Variants in TMPRSS11F observed in about 807,000 individuals in gnomAD.
TMPRSS11F encodes the protein transmembrane serine protease 11F, also known as transmembrane protease serine 11F.
Under a neutral mutation model 60.2 loss-of-function variants are expected in TMPRSS11F, and 47 were observed. The ratio of observed to expected loss-of-function variants is 0.78; its 90% CI spans 0.62 to 1.00. The LOEUF is 1.00. TMPRSS11F is among the 50% of genes least tolerant of loss of function. TMPRSS11F has a pLI of 0.00. For synonymous variants in TMPRSS11F, 166 were observed against 167.3 expected, an observed-to-expected ratio of 0.99 and a Z score of 0.06; for missense variants, 519 against 522.9, an observed-to-expected ratio of 0.99 and a Z score of 0.07.
chr4:68,103,610 T>C (rs1168537064), intron 1 of TMPRSS11F, among the ~76,000 whole-genome samples: 1 of 152,194 alleles, frequency 6.6e-6, no homozygotes, highest in Non-Finnish European at 1.5e-5. Context: ...CTCAAACTTT[T>C]TCATTCTCAG....
At chr4:68,076,086 A>C (rs1169875169) in intron 3 of TMPRSS11F, among the ~76,000 whole-genome samples, 3 of 152,154 alleles carry the variant, frequency 2.0e-5, no homozygotes, top group African/African-American at 7.2e-5. Context: ...AACAGACAAA[A>C]GTTTGCTTAA....
rs1553885899 is a variant in TMPRSS11F at position 68,072,221 on chromosome 4, C to CTATATATATATATATATCTT, written c.514+101_514+102insAAGATATATATATATATATA. The CTATATATATATATATATCTT allele has an allele frequency of 2.5e-3, 143 of 57,822 alleles. 3 individuals are homozygous for CTATATATATATATATATCTT. Among genetic ancestry groups the CTATATATATATATATATCTT allele is most frequent in the African/African-American group, 7.9e-3 (137 of 17,280 alleles). The allele number at this position is 57,822 out of a possible 1,614,324, so 3.6% of individuals were successfully genotyped here. On this transcript the variant is annotated intron_variant, in intron 5 of 9. Transcript: ENST00000356291. The stretch of plus-strand genomic sequence containing the variant: ...ATTTTATATATATATATATATCTTC[C>CTATATATATATATATATCTT]AAAAAAAAAATATATATATATATAT...
intron 1 of TMPRSS11F, among the ~76,000 whole-genome samples, chr4:68,119,094 G>A (rs376301200): frequency 2.0e-5 from 3 of 152,152 alleles, no homozygotes; most frequent in Non-Finnish European, 2.9e-5. Flanking sequence ...TTGCTGATAC[G>A]GAGTAAGTTT....
chr4:68,093,202 C>T (rs1723980947), intron 2 of TMPRSS11F, among the ~76,000 whole-genome samples: 1 of 152,158 alleles, frequency 6.6e-6, no homozygotes, highest in Non-Finnish European at 1.5e-5. Flanking sequence ...TGTGAAAACA[C>T]AAATCTAATT....
chr4:68,062,909 G>A (rs371091068), intron 8 of TMPRSS11F: 1 of 805,624 alleles, frequency 1.2e-6, no homozygotes, highest in Non-Finnish European at 2.2e-6. Flanking sequence ...CACTTCTGCT[G>A]ATAGTCTCCC....
chr4:68,112,011 C>CCAGAGGGA (rs1724417771), intron 1 of TMPRSS11F, among the ~76,000 whole-genome samples: 1 of 152,092 alleles, frequency 6.6e-6, no homozygotes, highest in Non-Finnish European at 1.5e-5. Flanking sequence ...TTCCTATTTC[C>CCAGAGGGA]ACATTTCTCC....
At chr4:68,091,055 T>G (rs531386321) in intron 2 of TMPRSS11F, among the ~76,000 whole-genome samples, 1 of 152,216 alleles carries the variant, frequency 6.6e-6, no homozygotes, top group Non-Finnish European at 1.5e-5. Context: ...TTTATGCTAC[T>G]GCTAAGCTTA....
chr4:68,054,024 C>T lies in TMPRSS11F; in HGVS notation c.1202G>A (p.Trp401Ter), dbSNP rs1577905811. ...GPLVYDNHDI[W>*]YIVGIVSWGQ... is the part of the protein sequence containing the mutation. ...CCAACTTACTATACCTACAATGTAC[C>T]AGATGTCATGATTATCATAAACCAG... Residue 401 changes from tryptophan to a stop codon, truncating the protein, a stop_gained, in exon 10 of 10, where the codon TGG becomes TAG. Transcript: ENST00000356291. LOFTEE classifies it high-confidence loss of function. 6.2e-7 allele frequency: 1 copy of T among 1,613,254 alleles called. No homozygotes were observed. The highest frequency in any genetic ancestry group is 2.2e-5 in the East Asian group (1 of 44,852).
chr4:68,080,152 C>T (rs1723662810), intron 3 of TMPRSS11F: 2 of 152,318 alleles, frequency 1.3e-5, no homozygotes, highest in South Asian at 4.1e-4. Context: ...AAGGATTTTT[C>T]TTCTTCTGAA....
Position 68,072,482 on chromosome 4 carries a change from C to G in TMPRSS11F, c.355G>C (p.Asp119His). ...ATAAGAATATCCACACCTTGTTCAT[C>G]TGGACTGAAGAACAAAAAAGCAGAT... The part of the protein sequence containing the change: ...IKSHVIKLSP[D>H]EQGVDILIVL... Residue 119 changes from aspartate (D) to histidine (H), a missense_variant, in exon 5 of 10, where the codon GAT becomes CAT. Asp to His is a moderately conservative substitution (Grantham distance 81). Transcript: ENST00000356291. The G allele has an allele frequency of 6.5e-7, 1 of 1,534,010 alleles. No homozygotes were observed. Among genetic ancestry groups the G allele is most frequent in the Non-Finnish European group, 8.8e-7 (1 of 1,135,690 alleles).
intron 1 of TMPRSS11F, among the ~76,000 whole-genome samples, chr4:68,107,469 G>T (rs1321143620): frequency 6.6e-6 from 1 of 152,154 alleles, no homozygotes; most frequent in Non-Finnish European, 1.5e-5. Context: ...CAAGGTGAAA[G>T]ATGGAGCCAT....
rs1488824179 is a variant in TMPRSS11F at position 68,099,134 on chromosome 4, G to A, written c.12-96C>T. On this transcript the variant is annotated intron_variant, in intron 1 of 9. Transcript: ENST00000356291. ...TTCCTCTATGAAAATAGTTTATACTGCTAAATAACAGTGAGCAACTTAGAC... is the reference window on the plus strand; with the variant it reads ...TTCCTCTATGAAAATAGTTTATACTACTAAATAACAGTGAGCAACTTAGAC... The A allele has an allele frequency of 2.8e-6, 3 of 1,083,826 alleles. No homozygotes were observed. The African/African-American group carries it at 4.8e-5, about 17-fold the overall frequency. The allele number at this position is 1,083,826 out of a possible 1,614,324, so 67.1% of individuals were successfully genotyped here. A position where few individuals can be genotyped will look rare whatever the true frequency, so the allele number is the denominator to read the frequency against.
Position 68,097,821 on chromosome 4 carries a change from C to A in TMPRSS11F, c.163+1066G>T, listed in dbSNP as rs182368727. On this transcript the variant is annotated intron_variant, in intron 2 of 9. Transcript: ENST00000356291. ...CAAAAGATAAAATTGTATAGAGTAA[C>A]TTGGCTTATGCTTTCATTTTATGAG... Among the ~76,000 whole-genome samples, 21 of 151,994 alleles carry A rather than the reference C, an allele frequency of 1.4e-4. No homozygotes were observed. The East Asian group carries it at 4.1e-3, about 29-fold the overall frequency.
chr4:68,105,384 T>C (rs1008593799), intron 1 of TMPRSS11F, among the ~76,000 whole-genome samples: 2 of 152,154 alleles, frequency 1.3e-5, no homozygotes, highest in Non-Finnish European at 2.9e-5. Flanking sequence ...AACGTCCGTA[T>C]ATCCTCTAAA....
intron 7 of TMPRSS11F, among the ~76,000 whole-genome samples, chr4:68,065,391 A>G (rs1723304736): frequency 6.6e-6 from 1 of 152,160 alleles, no homozygotes. Flanking sequence ...GCAAACCTTC[A>G]TGTATACACA....
intron 2 of TMPRSS11F, among the ~76,000 whole-genome samples, chr4:68,097,111 T>G (rs1031279414): frequency 5.9e-5 from 9 of 152,234 alleles, no homozygotes; most frequent in African/African-American, 2.2e-4. Context: ...TTTTCAATTA[T>G]CTGCAGTCAG....
intron 1 of TMPRSS11F, among the ~76,000 whole-genome samples, chr4:68,117,258 G>C (rs888939030): frequency 6.6e-6 from 1 of 151,996 alleles, no homozygotes; most frequent in Non-Finnish European, 1.5e-5. Flanking sequence ...ACGAGGTCAG[G>C]AGATCGAGAC....
At chr4:68,083,392 A>G (rs778505294) in intron 3 of TMPRSS11F, among the ~76,000 whole-genome samples, 9 of 152,188 alleles carry the variant, frequency 5.9e-5, no homozygotes, top group Non-Finnish European at 8.8e-5. Flanking sequence ...ACCACAGAGC[A>G]CTGTTGCAAA....
chr4:68,063,302 C>T (rs1386937960), intron 8 of TMPRSS11F: 4 of 532,120 alleles, frequency 7.5e-6, no homozygotes, highest in African/African-American at 1.9e-5. Flanking sequence ...CAACTGATGG[C>T]GGAAACTTAA....
Sources: gnomAD v4.1 joint callset for allele counts (sites outside exome capture counted in the v4.1 genomes callset) on GRCh38, gnomAD v4.1.1 for gene constraint, MANE v1.5 for transcripts, NCBI Gene and HGNC (gene_info 2026-07-23, HGNC 2026-07-21) for gene names.